ATXN7L1: variants seen among roughly 807,000 people sequenced by gnomAD.
ATXN7L1 encodes ataxin-7-like protein 1.
In ATXN7L1, 15 loss-of-function variants were observed where a neutral mutation model predicts 70.8. The ratio of observed to expected loss-of-function variants is 0.21; its 90% CI spans 0.14 to 0.33. ATXN7L1 has a LOEUF of 0.33. Among genes scored for constraint, ATXN7L1 ranks in the 10% least tolerant of loss-of-function variants. The probability of loss-of-function intolerance (pLI) is 1.00; values close to 1 mark genes in which losing one functional copy is unlikely to be tolerated. For synonymous variants in ATXN7L1, 440 were observed against 445.1 expected (o/e 0.99, Z 0.14); for missense variants, 975 against 1,097.1 (o/e 0.89, Z 1.57).
At position 105,836,309 on chromosome 7, in the gene ATXN7L1, C is replaced by T. The variant is rs184513354; in HGVS notation, c.250+39503G>A. Among the ~76,000 whole-genome samples the T allele has an allele frequency of 3.3e-5, 5 of 152,272 alleles. No individual in the cohort carries two copies. In the East Asian group the frequency reaches 5.8e-4, roughly 18 times the overall value. Reference sequence around the variant, plus strand: ...CCGAAAGTACTCTTATACCTGGACCCTTGAGAATTTAAGCCTCTGAATCAC... The same window carrying T: ...CCGAAAGTACTCTTATACCTGGACCTTTGAGAATTTAAGCCTCTGAATCAC... On this transcript the variant is annotated intron_variant, in intron 2 of 11. Coordinates refer to ENST00000419735, the MANE Select transcript of ATXN7L1 (RefSeq NM_020725.2).
intron 3 of ATXN7L1, among the ~76,000 whole-genome samples, chr7:105,678,196 A>G (rs779507515): frequency 5.9e-5 from 9 of 151,566 alleles, no homozygotes; most frequent in Non-Finnish European, 1.2e-4. Context: ...ATGATTTAAG[A>G]TCAACCATCA....
At chr7:105,804,658 A>G (rs1398798050) in intron 2 of ATXN7L1, among the ~76,000 whole-genome samples, 1 of 152,200 alleles carries the variant, frequency 6.6e-6, no homozygotes, top group African/African-American at 2.4e-5. Flanking sequence ...AAAAACATCA[A>G]TCACAGCAGC....
intron 6 of ATXN7L1, 103 bp downstream of exon 6, chr7:105,639,384 A>T (rs1797850822): frequency 3.6e-6 from 3 of 835,244 alleles, no homozygotes; most frequent in Non-Finnish European, 5.8e-6. Flanking sequence ...GCTGGGGGTC[A>T]TGTCGAGGTT....
chr7:105,742,184 C>G (rs1430813570), intron 3 of ATXN7L1, among the ~76,000 whole-genome samples: 1 of 152,230 alleles, frequency 6.6e-6, no homozygotes, highest in East Asian at 1.9e-4. Context: ...TAAGCATGCT[C>G]TGTCCTACAG....
chr7:105,699,111 A>G (rs1436464439), intron 3 of ATXN7L1, among the ~76,000 whole-genome samples: 1 of 152,138 alleles, frequency 6.6e-6, no homozygotes, highest in Non-Finnish European at 1.5e-5. Context: ...GGCTCTTTCC[A>G]AAAGATCTTC....
intron 3 of ATXN7L1, chr7:105,761,480 C>A: frequency 6.2e-7 from 1 of 1,613,868 alleles, no homozygotes; most frequent in Non-Finnish European, 8.5e-7. Flanking sequence ...AAAGTAAATG[C>A]TTTGTTGGCA....
chr7:105,625,244 CATTT>C (rs1249006583), intron 7 of ATXN7L1, among the ~76,000 whole-genome samples: 1 of 152,038 alleles, frequency 6.6e-6, no homozygotes, highest in African/African-American at 2.4e-5. Context: ...TTTCAATTTA[CATTT>C]ATTTATTTAT....
At chr7:105,685,926 T>C (rs1806136721) in intron 3 of ATXN7L1, among the ~76,000 whole-genome samples, 1 of 152,130 alleles carries the variant, frequency 6.6e-6, no homozygotes, top group Admixed American at 6.5e-5. Flanking sequence ...TGGTCAGAGG[T>C]CACCTGTTGG....
intron 6 of ATXN7L1, 21 bp from the exon 7 acceptor site, chr7:105,638,630 A>G (rs1246136283): frequency 6.5e-7 from 1 of 1,542,764 alleles, no homozygotes; most frequent in Non-Finnish European, 8.8e-7. Flanking sequence ...GAGAAATGAA[A>G]AGCACAGCCT....
At chr7:105,827,320 A>G (rs920576923) in intron 2 of ATXN7L1, among the ~76,000 whole-genome samples, 3 of 152,244 alleles carry the variant, frequency 2.0e-5, no homozygotes, top group Middle Eastern at 3.2e-3. Flanking sequence ...ATTCACTTAA[A>G]AAGAGAACAA....
At chr7:105,708,155 A>G (rs35999324) in intron 3 of ATXN7L1, among the ~76,000 whole-genome samples, 9,396 of 152,282 alleles carry the variant, frequency 0.062, 344 homozygotes, top group Admixed American at 0.074. Context: ...AAAACTCCAC[A>G]GTGTCGTGGA....
chr7:105,649,297 G>T, intron 4 of ATXN7L1: 1 of 900,332 alleles, frequency 1.1e-6, no homozygotes, highest in Non-Finnish European at 1.3e-6. Context: ...AATATGCTGG[G>T]AGTAGTTCTC....
At chr7:105,825,550 T>C (rs935154950) in intron 2 of ATXN7L1, among the ~76,000 whole-genome samples, 4 of 145,514 alleles carry the variant, frequency 2.7e-5, no homozygotes, top group African/African-American at 1.0e-4. Context: ...AGCAAAAACC[T>C]ACATACGAGA....
intron 10 of ATXN7L1, chr7:105,613,462 A>G: frequency 9.4e-7 from 1 of 1,059,624 alleles, no homozygotes; most frequent in South Asian, 3.3e-5. Flanking sequence ...CCAACAGATC[A>G]GATCAAACCT....
chr7:105,643,203 A>G, intron 4 of ATXN7L1, 82 bp from the exon 5 acceptor site: 3 of 1,381,924 alleles, frequency 2.2e-6, no homozygotes, highest in South Asian at 1.5e-5. Flanking sequence ...GCTTATCATT[A>G]TCAGAACATT....
chr7:105,713,085 T>C (rs1193857748), intron 3 of ATXN7L1, among the ~76,000 whole-genome samples: 1 of 152,202 alleles, frequency 6.6e-6, no homozygotes, highest in African/African-American at 2.4e-5. Flanking sequence ...CATCTTACCG[T>C]GGCAGAGCAG....
chr7:105,833,996 G>A (rs1490505873), intron 2 of ATXN7L1, among the ~76,000 whole-genome samples: 3 of 152,152 alleles, frequency 2.0e-5, no homozygotes, highest in African/African-American at 4.8e-5. Flanking sequence ...ATGGTTTACT[G>A]AATATTTTAT....
intron 9 of ATXN7L1, among the ~76,000 whole-genome samples, chr7:105,617,044 T>C (rs1434305529): frequency 6.6e-6 from 1 of 152,206 alleles, no homozygotes; most frequent in East Asian, 1.9e-4. Context: ...TTTTTTTTTT[T>C]TAGATGGAGT....
At chr7:105,625,756 T>TA (rs1795611895) in intron 7 of ATXN7L1, among the ~76,000 whole-genome samples, 1 of 152,056 alleles carries the variant, frequency 6.6e-6, no homozygotes. Context: ...TCCTAGGCAG[T>TA]AAAAAACAAA....
Sources: allele counts gnomAD v4.1 joint callset (sites outside exome capture counted in the v4.1 genomes callset), GRCh38; gene constraint gnomAD v4.1.1; transcripts MANE v1.5; gene names NCBI Gene and HGNC (gene_info 2026-07-23, HGNC 2026-07-21).